Variants in FBXL20 observed in about 807,000 individuals in gnomAD.
FBXL20 encodes the protein F-box and leucine rich repeat protein 20.
Under a neutral mutation model 64.0 loss-of-function variants are expected in FBXL20, and 11 were observed. That is an observed-to-expected ratio of 0.17 (90% CI 0.11 to 0.28). The LOEUF (loss-of-function observed/expected upper bound fraction) is 0.28, where lower values mean the gene tolerates loss of function less well. Among genes scored for constraint, FBXL20 ranks in the 10% least tolerant of loss-of-function variants. The pLI, the probability that FBXL20 is intolerant of heterozygous loss-of-function variation, is 1.00. For missense variants in FBXL20, 303 were observed against 526.2 expected (o/e 0.58, Z 4.15); for synonymous variants, 184 against 189.0 (o/e 0.97, Z 0.22).
At chr17:39,394,871 C>A (rs910633565) in intron 1 of FBXL20, among the ~76,000 whole-genome samples, 1 of 151,968 alleles carries the variant, frequency 6.6e-6, no homozygotes, top group African/African-American at 2.4e-5. Context: ...ATACTGTACC[C>A]GGCCAGATAC....
chr17:39,265,473 T>C lies in FBXL20; in HGVS notation c.934-20A>G. ...TGTTATCTGAAAGAAATAACGTATG[T>C]TGATTTTAGGTATAATCCAAATAAA... is the stretch of plus-strand genomic sequence containing the variant. On this transcript the variant is annotated intron_variant, in intron 12 of 14. Coordinates refer to ENST00000264658, the MANE Select transcript of FBXL20 (RefSeq NM_032875.3). The C allele has an allele frequency of 1.3e-6, 2 of 1,567,718 alleles. No individual in the cohort carries two copies. The highest frequency in any genetic ancestry group is 1.8e-6 in the Non-Finnish European group (2 of 1,138,172).
chr17:39,291,759 AT>A (rs752320923), intron 6 of FBXL20, among the ~76,000 whole-genome samples: 1 of 152,064 alleles, frequency 6.6e-6, no homozygotes, highest in African/African-American at 2.4e-5. Flanking sequence ...TAATATTAGC[AT>A]TTGATGCTAT....
At chr17:39,397,892 C>G (rs2048199124) in intron 1 of FBXL20, among the ~76,000 whole-genome samples, 1 of 151,848 alleles carries the variant, frequency 6.6e-6, no homozygotes. Context: ...CTGGTTCCCC[C>G]ACTTACTAGG....
At chr17:39,336,051 G>A (rs1198596437) in intron 2 of FBXL20, among the ~76,000 whole-genome samples, 2 of 151,422 alleles carry the variant, frequency 1.3e-5, no homozygotes, top group Non-Finnish European at 2.9e-5. Context: ...AGGCCCAGGA[G>A]TTTGGGACTG....
At chr17:39,327,736 T>G (rs1040402308) in intron 2 of FBXL20, among the ~76,000 whole-genome samples, 3 of 152,164 alleles carry the variant, frequency 2.0e-5, no homozygotes, top group Admixed American at 2.0e-4. Context: ...AATCTCGCTC[T>G]GTCGCCCAGG....
intron 1 of FBXL20, among the ~76,000 whole-genome samples, chr17:39,382,739 C>T: frequency 6.6e-6 from 1 of 151,816 alleles, no homozygotes; most frequent in African/African-American, 2.4e-5. Flanking sequence ...ACTCGGGAGG[C>T]TAAGGTAGGA....
intron 1 of FBXL20, among the ~76,000 whole-genome samples, chr17:39,380,483 T>C (rs1285899545): frequency 6.6e-6 from 1 of 152,194 alleles, no homozygotes; most frequent in Non-Finnish European, 1.5e-5. Flanking sequence ...TTGGCTATAA[T>C]GATCTTTCCT....
intron 2 of FBXL20, among the ~76,000 whole-genome samples, chr17:39,326,237 A>T (rs2047407782): frequency 6.6e-6 from 1 of 152,122 alleles, no homozygotes; most frequent in Non-Finnish European, 1.5e-5. Context: ...TAAATTACCC[A>T]GTCTCAGGTA....
chr17:39,264,146 G>T (rs1302057066), intron 14 of FBXL20, 29 bp downstream of exon 14: 1 of 1,603,532 alleles, frequency 6.2e-7, no homozygotes, highest in East Asian at 2.2e-5. Flanking sequence ...GCTAACACTA[G>T]AGTTGGAGAG....
At chr17:39,388,371 A>T (rs1392634003) in intron 1 of FBXL20, among the ~76,000 whole-genome samples, 1 of 152,044 alleles carries the variant, frequency 6.6e-6, no homozygotes, top group Non-Finnish European at 1.5e-5. Context: ...AGGCACAAGA[A>T]TCACCTGAGC....
Position 39,285,485 on chromosome 17 carries a change from C to A in FBXL20, c.487G>T (p.Ala163Ser), listed in dbSNP as rs990276169. 6.3e-7 allele frequency: 1 copy of A among 1,586,078 alleles called. No homozygotes were observed. ...TTATTATAAGAAATTTACCTCAGAG[C>A]TTTTAGAGACATGTTTGTTATTGAT... ...CTSITNMSLKALSEGCPLLEQ... is the reference protein window; with the variant it reads ...CTSITNMSLKSLSEGCPLLEQ... The change falls in exon 7 of 15, where the codon GCT becomes TCT. Residue 163 changes from alanine (A) to serine (S), a missense_variant. Coordinates refer to ENST00000264658, the MANE Select transcript of FBXL20 (RefSeq NM_032875.3).
At chr17:39,346,322 C>T (rs1159047940) in intron 1 of FBXL20, among the ~76,000 whole-genome samples, 1 of 151,236 alleles carries the variant, frequency 6.6e-6, no homozygotes, top group Non-Finnish European at 1.5e-5. Flanking sequence ...GACTGGGCGA[C>T]AGAGTGAGAT....
At chr17:39,285,340 T>C in intron 7 of FBXL20, 138 bp downstream of exon 7, 1 of 489,128 alleles carries the variant, frequency 2.0e-6, no homozygotes, top group Non-Finnish European at 3.4e-6. Context: ...GGGCAAGTGG[T>C]AAAACAAATT....
chr17:39,319,967 T>G (rs2047339234), intron 2 of FBXL20, among the ~76,000 whole-genome samples: 1 of 152,126 alleles, frequency 6.6e-6, no homozygotes. Context: ...GGGCTGATTT[T>G]AATTGAAAAA....
intron 12 of FBXL20, among the ~76,000 whole-genome samples, chr17:39,267,238 G>A (rs1033655522): frequency 3.3e-5 from 5 of 151,832 alleles, no homozygotes; most frequent in African/African-American, 1.2e-4. Flanking sequence ...GCAACAGAGT[G>A]AGACTCTGTC....
intron 2 of FBXL20, among the ~76,000 whole-genome samples, chr17:39,329,218 T>C (rs748281726): frequency 3.3e-5 from 5 of 152,188 alleles, no homozygotes; most frequent in Non-Finnish European, 5.9e-5. Flanking sequence ...CCTATGCCTA[T>C]GTTATGATAC....
At chr17:39,330,169 T>G (rs1325021887) in intron 2 of FBXL20, among the ~76,000 whole-genome samples, 2 of 151,838 alleles carry the variant, frequency 1.3e-5, no homozygotes, top group Non-Finnish European at 2.9e-5. Flanking sequence ...TGATGGTGGC[T>G]GCCTGTAATC....
intron 9 of FBXL20, among the ~76,000 whole-genome samples, chr17:39,276,392 C>T (rs2046894902): frequency 6.7e-6 from 1 of 150,260 alleles, no homozygotes. Flanking sequence ...TTATTGAGGC[C>T]GGGCATGGTG....
At chr17:39,380,957 C>T (rs1448046288) in intron 1 of FBXL20, among the ~76,000 whole-genome samples, 9 of 151,666 alleles carry the variant, frequency 5.9e-5, no homozygotes, top group Non-Finnish European at 1.3e-4. Context: ...GTCAGGAGTT[C>T]GAGAGCAGCC....
Sources: allele counts gnomAD v4.1 joint callset (sites outside exome capture counted in the v4.1 genomes callset), GRCh38; gene constraint gnomAD v4.1.1; transcripts MANE v1.5; gene names NCBI Gene and HGNC (gene_info 2026-07-23, HGNC 2026-07-21).